The following WDR70 variants were observed in gnomAD, a reference collection of about 807,000 sequenced individuals.
The protein encoded by WDR70 is WD repeat domain 70, also known as WD repeat-containing protein 70.
WDR70 carries 53 observed loss-of-function variants against 88.6 expected under a neutral mutation model. The observed-to-expected ratio is 0.60, with a 90% confidence interval of 0.48 to 0.75. WDR70 has a LOEUF of 0.75. Ranked by LOEUF, WDR70 falls within the 30% of genes least tolerant of loss-of-function variation. The probability of loss-of-function intolerance (pLI) is 0.00; values close to 1 mark genes in which losing one functional copy is unlikely to be tolerated. For missense variants in WDR70, 610 were observed against 823.2 expected, an observed-to-expected ratio of 0.74 and a Z score of 3.17; for synonymous variants, 280 against 270.0, an observed-to-expected ratio of 1.04 and a Z score of -0.36.
At chr5:37,485,858 A>ATTTTTTTTTTTTTTTTTTTTTT (rs57109943) in intron 8 of WDR70, among the ~76,000 whole-genome samples, 10 of 108,290 alleles carry the variant, frequency 9.2e-5, no homozygotes, top group African/African-American at 3.2e-4. Context: ...TGCCTGGCTA[A>ATTTTTTTTTTTTTTTTTTTTTT]TTTTTTTTTT....
intron 17 of WDR70, among the ~76,000 whole-genome samples, chr5:37,732,894 G>T (rs1353821701): frequency 6.6e-6 from 1 of 151,864 alleles, no homozygotes; most frequent in African/African-American, 2.4e-5. Flanking sequence ...GTTTTATTTA[G>T]GAAGGCATCT....
chr5:37,653,991 G>T (rs1474415093), intron 10 of WDR70, among the ~76,000 whole-genome samples: 2 of 151,950 alleles, frequency 1.3e-5, no homozygotes, highest in African/African-American at 4.8e-5. Flanking sequence ...GGTAGCTTTT[G>T]AGTTTGTTTG....
At chr5:37,388,011 A>G (rs1331379770) in intron 3 of WDR70, among the ~76,000 whole-genome samples, 4 of 152,202 alleles carry the variant, frequency 2.6e-5, no homozygotes, top group Admixed American at 2.6e-4. Context: ...TAAAACCCCA[A>G]TAAAATATGT....
At chr5:37,425,488 C>G (rs1462126344) in intron 5 of WDR70, among the ~76,000 whole-genome samples, 2 of 152,068 alleles carry the variant, frequency 1.3e-5, no homozygotes, top group African/African-American at 4.8e-5. Flanking sequence ...TAAGGAACAG[C>G]TAGTGTAAAG....
intron 5 of WDR70, among the ~76,000 whole-genome samples, chr5:37,417,049 A>C (rs1436602882): frequency 8.6e-6 from 1 of 116,448 alleles, no homozygotes; most frequent in Non-Finnish European, 1.8e-5. Flanking sequence ...TTTGCTCAAC[A>C]AATATTTTGT....
chr5:37,586,288 T>C (rs770621949), intron 9 of WDR70, among the ~76,000 whole-genome samples: 2 of 152,212 alleles, frequency 1.3e-5, no homozygotes, highest in Non-Finnish European at 2.9e-5. Context: ...TCTACCCTTA[T>C]CATTCTACTG....
chr5:37,727,097 G>A, intron 17 of WDR70, 52 bp downstream of exon 17: 1 of 1,559,782 alleles, frequency 6.4e-7, no homozygotes, highest in Non-Finnish European at 8.6e-7. Flanking sequence ...AATGAATTGG[G>A]GAGAACATAA....
intron 10 of WDR70, among the ~76,000 whole-genome samples, chr5:37,665,811 G>T (rs1478453018): frequency 6.6e-6 from 1 of 152,128 alleles, no homozygotes. Context: ...ACTCCCTTTG[G>T]AAGCTTTGTC....
chr5:37,688,040 T>G, intron 10 of WDR70: 1 of 621,278 alleles, frequency 1.6e-6, no homozygotes, highest in South Asian at 1.9e-5. Flanking sequence ...CTGGTATATA[T>G]ATGCATACAC....
chr5:37,633,900 T>C (rs1347435952), intron 10 of WDR70, among the ~76,000 whole-genome samples: 1 of 152,182 alleles, frequency 6.6e-6, no homozygotes, highest in Non-Finnish European at 1.5e-5. Context: ...ATGTTCAAGT[T>C]TGATAGTGAT....
intron 5 of WDR70, among the ~76,000 whole-genome samples, chr5:37,418,844 A>G (rs1369861466): frequency 1.3e-5 from 2 of 151,428 alleles, no homozygotes; most frequent in Non-Finnish European, 2.9e-5. Context: ...GCTCACTGCA[A>G]CCTCCGCCTC....
intron 5 of WDR70, among the ~76,000 whole-genome samples, chr5:37,427,001 C>T (rs1470699545): frequency 2.0e-5 from 3 of 152,164 alleles, no homozygotes; most frequent in African/African-American, 7.2e-5. Context: ...GTCTCAAACT[C>T]ATGGGCTCAA....
chr5:37,539,609 CAG>C (rs1237159761), intron 9 of WDR70, among the ~76,000 whole-genome samples: 1 of 152,216 alleles, frequency 6.6e-6, no homozygotes, highest in African/African-American at 2.4e-5. Context: ...AGCAAACTAA[CAG>C]AGAGGGGGAA....
chr5:37,600,506 G>A (rs534819903), intron 9 of WDR70, among the ~76,000 whole-genome samples: 3 of 129,954 alleles, frequency 2.3e-5, no homozygotes, highest in Non-Finnish European at 4.6e-5. Flanking sequence ...CAGCCTGGGC[G>A]ACAGAGCAAG....
chr5:37,600,138 T>C (rs1743826871), intron 9 of WDR70, among the ~76,000 whole-genome samples: 1 of 151,996 alleles, frequency 6.6e-6, no homozygotes, highest in Non-Finnish European at 1.5e-5. Context: ...AAAGATACCA[T>C]CAAGAAAGTG....
At chr5:37,736,443 G>T (rs1472747605) in intron 17 of WDR70, among the ~76,000 whole-genome samples, 1 of 152,104 alleles carries the variant, frequency 6.6e-6, no homozygotes, top group East Asian at 1.9e-4. Context: ...GCAAGTGAAG[G>T]TTTATGTGTT....
At chr5:37,678,682 A>G (rs1310546117) in intron 10 of WDR70, among the ~76,000 whole-genome samples, 1 of 152,046 alleles carries the variant, frequency 6.6e-6, no homozygotes, top group African/African-American at 2.4e-5. Flanking sequence ...CTTCATTTCA[A>G]CATTGGTGAA....
At chr5:37,409,940 A>T (rs952585602) in intron 5 of WDR70, among the ~76,000 whole-genome samples, 4 of 152,220 alleles carry the variant, frequency 2.6e-5, no homozygotes, top group Non-Finnish European at 5.9e-5. Flanking sequence ...AGACATGTCA[A>T]ATCTTTCATC....
chr5:37,739,222 A>G (rs1260415996), intron 17 of WDR70, among the ~76,000 whole-genome samples: 1 of 152,220 alleles, frequency 6.6e-6, no homozygotes, highest in East Asian at 1.9e-4. Flanking sequence ...GTTAAAGCTG[A>G]CTTCGTTAAG....
Sources: allele counts gnomAD v4.1 joint callset (sites outside exome capture counted in the v4.1 genomes callset), GRCh38; gene constraint gnomAD v4.1.1; transcripts MANE v1.5; gene names NCBI Gene and HGNC (gene_info 2026-07-23, HGNC 2026-07-21).